Variants in TASOR observed in about 807,000 individuals in gnomAD.
TASOR encodes the protein protein TASOR.
In TASOR, 53 loss-of-function variants were observed where a neutral mutation model predicts 178.6. That is an observed-to-expected ratio of 0.30 (90% confidence interval 0.24 to 0.37). The LOEUF is 0.37. Ranked by LOEUF, TASOR falls within the 10% of genes least tolerant of loss-of-function variation. The pLI is 1.00. For synonymous variants in TASOR, 713 were observed against 696.2 expected, an observed-to-expected ratio of 1.02 and a Z score of -0.38; for missense variants, 1,815 against 1,971.4, an observed-to-expected ratio of 0.92 and a Z score of 1.50.
intron 14 of TASOR, among the ~76,000 whole-genome samples, chr3:56,645,576 C>CT (rs1304677742): frequency 6.6e-6 from 1 of 152,158 alleles, no homozygotes; most frequent in African/African-American, 2.4e-5. Flanking sequence ...GTGTGAAGAT[C>CT]TTAAAAATCT....
intron 18 of TASOR, among the ~76,000 whole-genome samples, chr3:56,630,524 A>T (rs1250181423): frequency 6.6e-6 from 1 of 152,222 alleles, no homozygotes; most frequent in Admixed American, 6.5e-5. Context: ...ACAATTAATT[A>T]GGAAATGCAT....
chr3:56,671,201 T>TGG (rs77208632), intron 3 of TASOR, among the ~76,000 whole-genome samples: 1 of 151,484 alleles, frequency 6.6e-6, no homozygotes. Flanking sequence ...TAGCCAGGTG[T>TGG]GGGGGGGTGT....
rs959991802 is a variant in TASOR at position 56,658,230 on chromosome 3, G to A, written c.1368+2501C>T. 5.3e-5 allele frequency among the ~76,000 whole-genome samples: 8 copies of A among 152,300 alleles called. 1 individual carries two copies. The highest frequency in any genetic ancestry group is 1.3e-4 in the Admixed American group (2 of 15,304). Reference sequence around the variant, plus strand: ...GGGAGTGTATCCTTGTAGAATGCTAGCAACCTTTAAGATCTAGGATTTTAC... The same window carrying A: ...GGGAGTGTATCCTTGTAGAATGCTAACAACCTTTAAGATCTAGGATTTTAC... On this transcript the variant is annotated intron_variant, in intron 11 of 23. Coordinates refer to ENST00000683822, the MANE Select transcript of TASOR (RefSeq NM_001365635.2).
intron 4 of TASOR, 90 bp downstream of exon 4, chr3:56,669,983 T>C: frequency 1.0e-6 from 1 of 959,128 alleles, no homozygotes; most frequent in Non-Finnish European, 1.6e-6. Flanking sequence ...AGCATGAATT[T>C]AATAACAACT....
chr3:56,621,939 T>G lies in TASOR; in HGVS notation c.*1098A>C, dbSNP rs1203247772. ...GCGTTGCTGGGACCTCACAGTGTTC[T>G]TTCACACTTTTTATGTAACTTAGGA... On this transcript the variant is annotated 3_prime_UTR_variant, in exon 24 of 24. Coordinates refer to ENST00000683822, the MANE Select transcript of TASOR (RefSeq NM_001365635.2). 6.2e-6 allele frequency: 1 copy of G among 161,318 alleles called. No individual in the cohort carries two copies. The highest frequency in any genetic ancestry group is 1.4e-5 in the Non-Finnish European group (1 of 73,924). 10.0% of individuals were successfully genotyped at this position (161,318 alleles called of 1,614,324 possible).
Position 56,621,779 on chromosome 3 carries a change from T to C in TASOR, c.*1258A>G. ...GTAGTAAAATGCTGTACTTGTTCTA[T>C]ACAATAAAACAGATACTTCTTTTGT... On this transcript the variant is annotated 3_prime_UTR_variant, in exon 24 of 24. Coordinates refer to ENST00000683822, the MANE Select transcript of TASOR (RefSeq NM_001365635.2). 3.6e-6 allele frequency: 1 copy of C among 275,598 alleles called. No individual in the cohort carries two copies. The allele number at this position is 275,598 out of a possible 1,614,324, so 17.1% of individuals were successfully genotyped here.
At chr3:56,634,541 T>C (rs1000532964) in intron 17 of TASOR, among the ~76,000 whole-genome samples, 6 of 152,216 alleles carry the variant, frequency 3.9e-5, no homozygotes, top group African/African-American at 9.6e-5. Flanking sequence ...TCCTGTAATG[T>C]CAGGGACTTC....
chr3:56,628,715 A>G (rs1383879214), intron 18 of TASOR, 101 bp from the exon 19 acceptor site: 3 of 751,600 alleles, frequency 4.0e-6, no homozygotes, highest in African/African-American at 1.8e-5. Context: ...AACTACTACC[A>G]TGACATTATT....
At chr3:56,677,720 T>C (rs868106734) in intron 1 of TASOR, among the ~76,000 whole-genome samples, 5 of 152,214 alleles carry the variant, frequency 3.3e-5, no homozygotes, top group Non-Finnish European at 4.4e-5. Context: ...AGGAAGTTAA[T>C]ATAAAAGAAC....
intron 14 of TASOR, among the ~76,000 whole-genome samples, chr3:56,644,775 G>T (rs2077201202): frequency 6.6e-6 from 1 of 152,034 alleles, no homozygotes; most frequent in South Asian, 2.1e-4. Flanking sequence ...GAGACACACA[G>T]GTTAACTAAA....
chr3:56,622,904 G>T lies in TASOR; in HGVS notation c.*133C>A. 1 of 521,762 alleles carries T rather than the reference G, an allele frequency of 1.9e-6. No homozygotes were observed. 32.3% of individuals were successfully genotyped at this position (521,762 alleles called of 1,614,324 possible). A position where few individuals can be genotyped will look rare whatever the true frequency, so the allele number is the denominator to read the frequency against. On this transcript the variant is annotated 3_prime_UTR_variant, in exon 24 of 24. Coordinates refer to ENST00000683822, the MANE Select transcript of TASOR (RefSeq NM_001365635.2). ...ATTTCAATTTTTAGATGCTTCAACT[G>T]TTACAGGCCATCATGATTTAAATAA...
chr3:56,658,273 G>T (rs185433219), intron 11 of TASOR, among the ~76,000 whole-genome samples: 9 of 152,200 alleles, frequency 5.9e-5, no homozygotes, highest in Admixed American at 5.9e-4. Flanking sequence ...CTTGATTCTG[G>T]AAAAGATCCA....
intron 23 of TASOR, chr3:56,623,908 G>C (rs762236481): frequency 4.6e-6 from 6 of 1,310,004 alleles, no homozygotes; most frequent in Non-Finnish European, 6.3e-6. Flanking sequence ...TTGACATCTA[G>C]CTTCACTGGA....
At chr3:56,656,002 CTT>C (rs2077461095) in intron 11 of TASOR, among the ~76,000 whole-genome samples, 1 of 152,170 alleles carries the variant, frequency 6.6e-6, no homozygotes, top group Non-Finnish European at 1.5e-5. Flanking sequence ...TAATTTAAAA[CTT>C]ATTAATTATT....
At chr3:56,671,544 A>G in intron 3 of TASOR, 56 bp downstream of exon 3, 1 of 1,260,504 alleles carries the variant, frequency 7.9e-7, no homozygotes, top group South Asian at 1.4e-5. Flanking sequence ...TCACAAAATT[A>G]GTAACTTACA....
intron 11 of TASOR, among the ~76,000 whole-genome samples, chr3:56,655,553 G>A (rs1283636082): frequency 1.3e-5 from 2 of 151,984 alleles, no homozygotes; most frequent in African/African-American, 2.4e-5. Flanking sequence ...GGTTGCTTAA[G>A]GCCAGGAGTT....
chr3:56,653,895 C>A (rs1054605413), intron 11 of TASOR, among the ~76,000 whole-genome samples: 3 of 152,090 alleles, frequency 2.0e-5, no homozygotes, highest in Admixed American at 2.0e-4. Flanking sequence ...TGAAATGCAA[C>A]TAAAGCACTA....
chr3:56,626,978 ATAT>A (rs927848592), intron 21 of TASOR, 56 bp downstream of exon 21: 12 of 1,042,140 alleles, frequency 1.2e-5, no homozygotes, highest in Non-Finnish European at 1.6e-5. Flanking sequence ...GAAGAGAGAA[ATAT>A]TATGAGTACA....
At chr3:56,661,383 C>T (rs921034944) in intron 9 of TASOR, among the ~76,000 whole-genome samples, 3 of 152,200 alleles carry the variant, frequency 2.0e-5, no homozygotes, top group Admixed American at 1.3e-4. Flanking sequence ...CTCAAATTCC[C>T]GGTCTCAAGT....
Sources: gnomAD v4.1 joint callset for allele counts (sites outside exome capture counted in the v4.1 genomes callset) on GRCh38, gnomAD v4.1.1 for gene constraint, MANE v1.5 for transcripts, NCBI Gene and HGNC (gene_info 2026-07-23, HGNC 2026-07-21) for gene names.